Variants in MINK1 observed in about 807,000 individuals in gnomAD.
The protein encoded by MINK1 is misshapen like kinase 1.
In MINK1, 46 loss-of-function variants were observed where a neutral mutation model predicts 178.4. That is an observed-to-expected ratio of 0.26 (90% CI 0.20 to 0.33). The LOEUF is 0.33. Ranked by LOEUF, MINK1 falls within the 10% of genes least tolerant of loss-of-function variation. MINK1 has a pLI of 1.00. For missense variants in MINK1, 1,366 were observed against 1,814.9 expected, an observed-to-expected ratio of 0.75 and a Z score of 4.49; for synonymous variants, 797 against 709.7, an observed-to-expected ratio of 1.12 and a Z score of -1.96.
At chr17:4,849,732 C>T (rs982669406) in intron 1 of MINK1, among the ~76,000 whole-genome samples, 1 of 152,116 alleles carries the variant, frequency 6.6e-6, no homozygotes. Flanking sequence ...CCACCATGCC[C>T]GGCTAATTTT....
At chr17:4,839,323 T>A (rs1432405138) in intron 1 of MINK1, among the ~76,000 whole-genome samples, 1 of 152,154 alleles carries the variant, frequency 6.6e-6, no homozygotes, top group Non-Finnish European at 1.5e-5. Context: ...TAAACCTGAT[T>A]TCCATGAATT....
chr17:4,875,312 C>G (rs979303763), intron 1 of MINK1, among the ~76,000 whole-genome samples: 1 of 152,082 alleles, frequency 6.6e-6, no homozygotes, highest in African/African-American at 2.4e-5. Context: ...GATTTACACC[C>G]GTTAAATATT....
In MINK1 at chr17:4,894,956, G is replaced by C; in HGVS notation, c.2918-119G>C. Reference sequence around the variant, plus strand: ...TCTCCCATGCACCTCCTCTCCTCCTGTCTTTCTCCTCCTTTCTGCGTATTA... The same window carrying C: ...TCTCCCATGCACCTCCTCTCCTCCTCTCTTTCTCCTCCTTTCTGCGTATTA... On this transcript the variant is annotated intron_variant, in intron 24 of 31. Coordinates refer to ENST00000355280, the MANE Select transcript of MINK1 (RefSeq NM_153827.5). This position sits in a 1 kb window ranked among gnomAD's most constrained non-coding sequence, Gnocchi z 4.1. 1 of 1,136,312 alleles carries C rather than the reference G, an allele frequency of 8.8e-7. No individual in the cohort carries two copies. Among genetic ancestry groups the C allele is most frequent in the South Asian group, 1.5e-5 (1 of 68,028 alleles). The allele number at this position is 1,136,312 out of a possible 1,614,324, so 70.4% of individuals were successfully genotyped here. A position where few individuals can be genotyped will look rare whatever the true frequency, so the allele number is the denominator to read the frequency against.
intron 1 of MINK1, among the ~76,000 whole-genome samples, chr17:4,870,892 T>G (rs1238746365): frequency 6.6e-6 from 1 of 152,206 alleles, no homozygotes; most frequent in South Asian, 2.1e-4. Flanking sequence ...CACAGACTTA[T>G]GCAACCATCT....
intron 1 of MINK1, among the ~76,000 whole-genome samples, chr17:4,863,850 C>T (rs1392528838): frequency 4.6e-5 from 7 of 151,950 alleles, no homozygotes; most frequent in Admixed American, 3.3e-4. Flanking sequence ...AGTGCGGTGG[C>T]GCAATCTCGG....
intron 1 of MINK1, among the ~76,000 whole-genome samples, chr17:4,850,170 A>C (rs1293278024): frequency 1.3e-5 from 2 of 152,092 alleles, no homozygotes; most frequent in African/African-American, 4.8e-5. Flanking sequence ...TGTTTTGTTC[A>C]ACGCCACGTT....
rs1969688011 is a variant in MINK1 at position 4,897,609 on chromosome 17, C to T, written c.*322C>T. ...GAGGAGAGTGCTTGGGGCTTGAACC[C>T]CTTACCCCACTGCTGCTGACTGGGC... On this transcript the variant is annotated 3_prime_UTR_variant, in exon 32 of 32. Coordinates refer to ENST00000355280, the MANE Select transcript of MINK1 (RefSeq NM_153827.5). 1 of 271,422 alleles carries T rather than the reference C, an allele frequency of 3.7e-6. No homozygotes were observed. Among genetic ancestry groups the T allele is most frequent in the East Asian group, 8.6e-5 (1 of 11,648 alleles). 16.8% of individuals were successfully genotyped at this position (271,422 alleles called of 1,614,324 possible).
At chr17:4,848,341 C>T (rs1477446763) in intron 1 of MINK1, among the ~76,000 whole-genome samples, 1 of 152,210 alleles carries the variant, frequency 6.6e-6, no homozygotes, top group Non-Finnish European at 1.5e-5. Flanking sequence ...TGGCAAGTAA[C>T]TCATACCCCT....
In MINK1 at chr17:4,887,219, G is replaced by A. The variant is rs200851186; in HGVS notation, c.1019+40G>A. 49 of 1,549,666 alleles carry A rather than the reference G, an allele frequency of 3.2e-5. No homozygotes were observed. Among genetic ancestry groups the A allele is most frequent in the African/African-American group, 5.4e-5 (4 of 73,630 alleles). On this transcript the variant is annotated intron_variant, in intron 11 of 31. Coordinates refer to ENST00000355280, the MANE Select transcript of MINK1 (RefSeq NM_153827.5). The surrounding 1 kb of genome is among the most constrained non-coding windows in gnomAD (Gnocchi z 7.6). ...TGGAGTGGGGGTTGGGGCGGTCATC[G>A]CTGAGTGGGGGGACTACAGTGGTGC...
intron 1 of MINK1, among the ~76,000 whole-genome samples, chr17:4,862,209 C>T (rs769296889): frequency 1.3e-5 from 2 of 152,150 alleles, no homozygotes; most frequent in Admixed American, 6.5e-5. Context: ...AGCAGAGACT[C>T]GAGCCGGCTA....
Position 4,895,939 on chromosome 17 carries a change from C to T in MINK1, c.3365-64C>T, listed in dbSNP as rs148846731. 7.1e-4 allele frequency: 1,111 copies of T among 1,568,860 alleles called. 13 individuals are homozygous for T. In the African/African-American group the frequency reaches 0.013, roughly 19 times the overall value. On this transcript the variant is annotated intron_variant, in intron 27 of 31. Coordinates refer to ENST00000355280, the MANE Select transcript of MINK1 (RefSeq NM_153827.5). The surrounding 1 kb of genome is among the most constrained non-coding windows in gnomAD (Gnocchi z 4.3). ...TGGGTGGGGCAGTGTAGTGACAGACCACGGGGAGGCGCCCGTGGCGCAAGA... is the reference window on the plus strand; with the variant it reads ...TGGGTGGGGCAGTGTAGTGACAGACTACGGGGAGGCGCCCGTGGCGCAAGA...
In MINK1 at chr17:4,892,004, A is replaced by C; in HGVS notation, c.2002-145A>C. 3 of 781,228 alleles carry C rather than the reference A, an allele frequency of 3.8e-6. No homozygotes were observed. The South Asian group carries it at 4.8e-5, about 13-fold the overall frequency. 48.4% of individuals were successfully genotyped at this position (781,228 alleles called of 1,614,324 possible). ...AGCTCCACCATCATCCGGCTTCATA[A>C]CCCTGGACGTATTCACTAACTCCCC... On this transcript the variant is annotated intron_variant, in intron 16 of 31. Coordinates refer to ENST00000355280, the MANE Select transcript of MINK1 (RefSeq NM_153827.5).
At position 4,887,659 on chromosome 17, in the gene MINK1, G is replaced by C; in HGVS notation, c.1099G>C (p.Glu367Gln). 1 of 1,568,376 alleles carries C rather than the reference G, an allele frequency of 6.4e-7. No individual in the cohort carries two copies. Among genetic ancestry groups the C allele is most frequent in the Non-Finnish European group, 8.6e-7 (1 of 1,158,028 alleles). ...CCAGCAGGAAAATAAGAGCAACTCA[G>C]AGGCTTTAAAACAGCAGCAGCAGCT... ...RLQQENKSNS[E>Q]ALKQQQQLQQ... Residue 367 changes from glutamate to glutamine, a missense_variant, in exon 12 of 32, where the codon GAG becomes CAG. Coordinates refer to ENST00000355280, the MANE Select transcript of MINK1 (RefSeq NM_153827.5). This position sits in a 1 kb window ranked among gnomAD's most constrained non-coding sequence, Gnocchi z 7.6.
chr17:4,897,103 C>T (rs1969610737), intron 31 of MINK1, 101 bp from the exon 32 acceptor site: 2 of 1,049,944 alleles, frequency 1.9e-6, no homozygotes, highest in Non-Finnish European at 1.4e-6. Context: ...TCTGTGTCTC[C>T]CTCAACTCTT....
At chr17:4,872,554 C>T (rs540819651) in intron 1 of MINK1, among the ~76,000 whole-genome samples, 2 of 152,050 alleles carry the variant, frequency 1.3e-5, no homozygotes, top group East Asian at 1.9e-4. Context: ...GGGTGGATCA[C>T]GAGGTCAGGA....
intron 1 of MINK1, among the ~76,000 whole-genome samples, chr17:4,838,198 A>G (rs1597365803): frequency 6.6e-6 from 1 of 152,198 alleles, no homozygotes. Context: ...AGGCATTTAG[A>G]TGAAGTGAAA....
At position 4,886,655 on chromosome 17, in the gene MINK1, A is replaced by T. The variant is rs1597536963; in HGVS notation, c.949+29A>T. On this transcript the variant is annotated intron_variant, in intron 10 of 31. Coordinates refer to ENST00000355280, the MANE Select transcript of MINK1 (RefSeq NM_153827.5). The surrounding 1 kb of genome is among the most constrained non-coding windows in gnomAD (Gnocchi z 6.1). The stretch of plus-strand genomic sequence containing the variant: ...AGTGGGCAGGCTGGAGGGGGCAGGT[A>T]CTAGGGGACACTCCAGCCTGGCTCC... 1 of 1,539,382 alleles carries T rather than the reference A, an allele frequency of 6.5e-7. No individual in the cohort carries two copies. Among genetic ancestry groups the T allele is most frequent in the Non-Finnish European group, 8.7e-7 (1 of 1,143,478 alleles).
chr17:4,870,296 T>C lies in MINK1; in HGVS notation c.58-8021T>C, dbSNP rs143381852. Among the ~76,000 whole-genome samples, 575 of 150,036 alleles carry C rather than the reference T, an allele frequency of 3.8e-3. 4 individuals are homozygous for C. Among genetic ancestry groups the C allele is most frequent in the African/African-American group, 0.012 (504 of 40,810 alleles). ...TATGTTGCCCAGGCATGTCTTGAAC[T>C]TCTGAGCTCAAGTGATCCTCCCACC... On this transcript the variant is annotated intron_variant, in intron 1 of 31. Coordinates refer to ENST00000355280, the MANE Select transcript of MINK1 (RefSeq NM_153827.5).
intron 1 of MINK1, chr17:4,844,439 T>C (rs1292269196): frequency 6.9e-6 from 3 of 437,210 alleles, no homozygotes; most frequent in African/African-American, 4.1e-5. Context: ...GCCTGTTTCA[T>C]GGGCTGGAGA....
Sources: gnomAD v4.1 joint callset for allele counts (sites outside exome capture counted in the v4.1 genomes callset) on GRCh38, gnomAD v4.1.1 for gene constraint, Gnocchi (gnomAD v3.1) non-coding constraint, MANE v1.5 for transcripts, NCBI Gene and HGNC (gene_info 2026-07-23, HGNC 2026-07-21) for gene names.